Variants in SGCZ observed in about 807,000 individuals in gnomAD.
SGCZ encodes sarcoglycan zeta, also known as zeta-sarcoglycan.
Under a neutral mutation model 41.3 loss-of-function variants are expected in SGCZ, and 40 were observed. The ratio of observed to expected loss-of-function variants is 0.97; its 90% CI spans 0.75 to 1.26. The LOEUF (loss-of-function observed/expected upper bound fraction) is 1.26. Among genes scored for constraint, SGCZ ranks in the 50% most tolerant of loss-of-function variants. The pLI is 0.00. For synonymous variants in SGCZ, 206 were observed against 137.5 expected, an observed-to-expected ratio of 1.50 and a Z score of -3.49; for missense variants, 552 against 369.8, an observed-to-expected ratio of 1.49 and a Z score of -4.04.
At chr8:14,984,169 C>T (rs1255321739) in intron 1 of SGCZ, among the ~76,000 whole-genome samples, 2 of 152,134 alleles carry the variant, frequency 1.3e-5, no homozygotes, top group Non-Finnish European at 2.9e-5. Flanking sequence ...ATTATCAACC[C>T]AGAGCCACTA....
chr8:14,758,013 T>A (rs1799745616), intron 1 of SGCZ, among the ~76,000 whole-genome samples: 1 of 152,184 alleles, frequency 6.6e-6, no homozygotes, highest in Non-Finnish European at 1.5e-5. Flanking sequence ...TACACATACA[T>A]CCATGTATAT....
At chr8:15,016,070 G>C (rs145894124) in intron 1 of SGCZ, among the ~76,000 whole-genome samples, 1 of 151,982 alleles carries the variant, frequency 6.6e-6, no homozygotes, top group African/African-American at 2.4e-5. Context: ...ATTATATCCT[G>C]CTGATTAGCC....
chr8:14,738,974 G>A (rs1201244121), intron 1 of SGCZ, among the ~76,000 whole-genome samples: 1 of 152,062 alleles, frequency 6.6e-6, no homozygotes, highest in Non-Finnish European at 1.5e-5. Flanking sequence ...TGGCTAAAGG[G>A]TTGACAAGGG....
chr8:14,419,378 G>T (rs186448953), intron 2 of SGCZ, among the ~76,000 whole-genome samples: 47 of 151,862 alleles, frequency 3.1e-4, no homozygotes, highest in Admixed American at 1.6e-3. Flanking sequence ...TAGCATTGTT[G>T]ATATAATTTT....
intron 1 of SGCZ, among the ~76,000 whole-genome samples, chr8:15,075,813 G>A (rs73522875): frequency 0.015 from 2,289 of 152,038 alleles, 65 homozygotes; most frequent in African/African-American, 0.052. Flanking sequence ...CTGCTATGAA[G>A]TCTAATTTGC....
At chr8:14,387,513 T>C (rs1264420488) in intron 2 of SGCZ, among the ~76,000 whole-genome samples, 1 of 152,222 alleles carries the variant, frequency 6.6e-6, no homozygotes, top group Non-Finnish European at 1.5e-5. Flanking sequence ...AATTTGAAGA[T>C]CATTGCTGGT....
intron 2 of SGCZ, among the ~76,000 whole-genome samples, chr8:14,390,480 CTT>C (rs1804731531): frequency 1.3e-5 from 2 of 151,572 alleles, no homozygotes; most frequent in South Asian, 4.2e-4. Flanking sequence ...AAATAAAAGA[CTT>C]TTAAACACAG....
chr8:14,283,050 C>T (rs1409386155), intron 3 of SGCZ, among the ~76,000 whole-genome samples: 1 of 151,088 alleles, frequency 6.6e-6, no homozygotes, highest in Non-Finnish European at 1.5e-5. Flanking sequence ...GGGGTTTCAC[C>T]GTGTTAGCCA....
At chr8:14,316,246 A>T (rs1801711017) in intron 3 of SGCZ, among the ~76,000 whole-genome samples, 1 of 151,972 alleles carries the variant, frequency 6.6e-6, no homozygotes, top group African/African-American at 2.4e-5. Flanking sequence ...GGGAGAAAAA[A>T]CCTAGAACTG....
At position 15,238,061 on chromosome 8, in the gene SGCZ, G is replaced by C. The variant is rs1380631406; in HGVS notation, c.-438C>G. On this transcript the variant is annotated 5_prime_UTR_variant, in exon 1 of 8. Transcript: ENST00000382080. The stretch of plus-strand genomic sequence containing the variant: ...GCAAATGTGTTCAAACTGAAGAGAA[G>C]AGTGTATGATAAAAGGCTTCCTCCG... 3.1e-5 allele frequency: 5 copies of C among 160,910 alleles called. No homozygotes were observed. Among genetic ancestry groups the C allele is most frequent in the African/African-American group, 1.2e-4 (5 of 41,580 alleles). 10.0% of individuals were successfully genotyped at this position (160,910 alleles called of 1,614,324 possible).
chr8:14,694,506 G>T (rs1233823526), intron 1 of SGCZ, among the ~76,000 whole-genome samples: 1 of 152,112 alleles, frequency 6.6e-6, no homozygotes, highest in Admixed American at 6.5e-5. Flanking sequence ...ATAAATATAG[G>T]TCTTTGGTCT....
chr8:14,343,262 G>A (rs901744661), intron 2 of SGCZ, among the ~76,000 whole-genome samples: 15 of 152,302 alleles, frequency 9.8e-5, no homozygotes, highest in Non-Finnish European at 1.9e-4. Flanking sequence ...CCCACACAGA[G>A]TTCCTACTGG....
intron 1 of SGCZ, among the ~76,000 whole-genome samples, chr8:14,831,196 CA>C (rs1802514832): frequency 6.6e-6 from 1 of 152,082 alleles, no homozygotes; most frequent in South Asian, 2.1e-4. Context: ...ATAGAGTACA[CA>C]GGTCAAAGAA....
At chr8:14,436,074 G>C (rs74829955) in intron 2 of SGCZ, among the ~76,000 whole-genome samples, 1 of 152,182 alleles carries the variant, frequency 6.6e-6, no homozygotes, top group Admixed American at 6.5e-5. Context: ...GAGATGTGGC[G>C]TTGGATAGAG....
At chr8:15,074,842 T>A (rs1225610844) in intron 1 of SGCZ, among the ~76,000 whole-genome samples, 2 of 152,178 alleles carry the variant, frequency 1.3e-5, no homozygotes, top group Non-Finnish European at 2.9e-5. Flanking sequence ...TCTTATGCAG[T>A]CACTCACCCC....
chr8:15,192,467 C>A (rs1432357683), intron 1 of SGCZ, among the ~76,000 whole-genome samples: 1 of 152,034 alleles, frequency 6.6e-6, no homozygotes, highest in Non-Finnish European at 1.5e-5. Context: ...CACATCAATC[C>A]ATTTAAATAT....
intron 1 of SGCZ, among the ~76,000 whole-genome samples, chr8:14,684,150 T>C (rs1808533068): frequency 6.6e-6 from 1 of 152,204 alleles, no homozygotes; most frequent in Non-Finnish European, 1.5e-5. Flanking sequence ...TTTTTAAAAA[T>C]GATTGTTCAT....
chr8:14,421,427 A>G (rs1397841548), intron 2 of SGCZ, among the ~76,000 whole-genome samples: 1 of 152,150 alleles, frequency 6.6e-6, no homozygotes, highest in Non-Finnish European at 1.5e-5. Context: ...TAATGCATGT[A>G]TATACCAGGT....
At chr8:14,403,270 A>T (rs1563306912) in intron 2 of SGCZ, among the ~76,000 whole-genome samples, 1 of 150,274 alleles carries the variant, frequency 6.7e-6, no homozygotes, top group Non-Finnish European at 1.5e-5. Context: ...TCCTAATTGA[A>T]TACCCTTTAT....
Sources: gnomAD v4.1 joint callset for allele counts (sites outside exome capture counted in the v4.1 genomes callset) on GRCh38, gnomAD v4.1.1 for gene constraint, MANE v1.5 for transcripts, NCBI Gene and HGNC (gene_info 2026-07-23, HGNC 2026-07-21) for gene names.